The following ZFHX4 variants were observed in gnomAD, a reference collection of about 807,000 sequenced individuals.
ZFHX4 encodes the protein zinc finger homeobox 4.
ZFHX4 carries 56 observed loss-of-function variants against 267.6 expected under a neutral mutation model. The observed-to-expected ratio is 0.21, with a 90% CI of 0.17 to 0.26. The LOEUF is 0.26. ZFHX4 is among the 10% of genes least tolerant of loss of function. The pLI, the probability that ZFHX4 is intolerant of heterozygous loss-of-function variation, is 1.00. For missense variants in ZFHX4, 4,332 were observed against 4,420.0 expected (o/e 0.98, Z 0.56); for synonymous variants, 1,778 against 1,665.6 (o/e 1.07, Z -1.64).
At chr8:76,728,719 A>C (rs998049225) in intron 3 of ZFHX4, among the ~76,000 whole-genome samples, 1 of 152,218 alleles carries the variant, frequency 6.6e-6, no homozygotes, top group African/African-American at 2.4e-5. Context: ...GGTTTGAAAT[A>C]GGTTATTAGT....
chr8:76,865,728 T>G lies in ZFHX4; in HGVS notation c.*1163T>G, dbSNP rs907488174. The G allele has an allele frequency of 2.0e-5, 3 of 152,522 alleles. No individual in the cohort carries two copies. The highest frequency in any genetic ancestry group is 1.5e-5 in the Non-Finnish European group (1 of 68,006). 9.4% of individuals were successfully genotyped at this position (152,522 alleles called of 1,614,324 possible). ...AAAAAATAAAAAGGGGACTAAAAAT[T>G]TGTTTTGTATAAAGAGGTTAGCCCT... On this transcript the variant is annotated 3_prime_UTR_variant, in exon 11 of 11. Transcript: ENST00000651372.
At position 76,866,507 on chromosome 8, in the gene ZFHX4, A is replaced by G. The variant is rs1813035124; in HGVS notation, c.*1942A>G. ...TAACATTTATTTTAATCCTGAAGAC[A>G]CTTTTTTGATTGTGTTTCGTAAGAG... is the stretch of plus-strand genomic sequence containing the variant. On this transcript the variant is annotated 3_prime_UTR_variant, in exon 11 of 11. Transcript: ENST00000651372. 6.6e-6 allele frequency: 1 copy of G among 151,628 alleles called. No individual in the cohort carries two copies. Among genetic ancestry groups the G allele is most frequent in the Non-Finnish European group, 1.5e-5 (1 of 67,804 alleles). The allele number at this position is 151,628 out of a possible 1,614,324, so 9.4% of individuals were successfully genotyped here. A position where few individuals can be genotyped will look rare whatever the true frequency, so the allele number is the denominator to read the frequency against.
chr8:76,685,158 C>T (rs1329292892), intron 1 of ZFHX4, among the ~76,000 whole-genome samples: 1 of 152,156 alleles, frequency 6.6e-6, no homozygotes, highest in Non-Finnish European at 1.5e-5. Context: ...AAGGGAAGCC[C>T]TTAATAACTC....
chr8:76,809,801 T>A (rs1478421943), intron 4 of ZFHX4, among the ~76,000 whole-genome samples: 2 of 152,122 alleles, frequency 1.3e-5, no homozygotes, highest in Non-Finnish European at 2.9e-5. Flanking sequence ...TTAAAATGTA[T>A]AAATAATAGA....
intron 5 of ZFHX4, among the ~76,000 whole-genome samples, chr8:76,836,047 A>G (rs562840837): frequency 2.0e-5 from 3 of 152,320 alleles, no homozygotes; most frequent in African/African-American, 7.2e-5. Flanking sequence ...ACAAATAGTC[A>G]AATTAGAAAT....
At chr8:76,726,017 A>G (rs1808843751) in intron 3 of ZFHX4, among the ~76,000 whole-genome samples, 1 of 152,158 alleles carries the variant, frequency 6.6e-6, no homozygotes, top group South Asian at 2.1e-4. Context: ...GTTGTAACAT[A>G]ATGCTACATA....
chr8:76,863,260 C>T lies in ZFHX4; in HGVS notation c.9546C>T (p.Thr3182=), dbSNP rs754746697. 12 of 1,606,272 alleles carry T rather than the reference C, an allele frequency of 7.5e-6. No individual in the cohort carries two copies. The highest frequency in any genetic ancestry group is 4.5e-5 in the East Asian group (2 of 44,530). Residue 3182 remains threonine, a synonymous_variant, in exon 11 of 11, where the codon ACC becomes ACT. Transcript: ENST00000651372. ...CATCCTCTCTGTCAGGACAGCAGAC[C>T]GAGCAACAGAACAAAGAATCTGAGA... The part of the protein sequence containing the change: ...PPSSSLSGQQ[T]EQQNKESEKK...
chr8:76,778,523 ACG>A, intron 4 of ZFHX4, 84 bp downstream of exon 4: 1 of 1,099,366 alleles, frequency 9.1e-7, no homozygotes, highest in Non-Finnish European at 1.4e-6. Context: ...ACACACACAC[ACG>A]CCTCAAACTC....
intron 3 of ZFHX4, among the ~76,000 whole-genome samples, chr8:76,713,390 C>T (rs1449452003): frequency 6.6e-6 from 1 of 152,144 alleles, no homozygotes; most frequent in Non-Finnish European, 1.5e-5. Flanking sequence ...TTACTACATC[C>T]ATGTCAGGAT....
chr8:76,731,236 A>G (rs926214698), intron 3 of ZFHX4, among the ~76,000 whole-genome samples: 5 of 152,188 alleles, frequency 3.3e-5, no homozygotes, highest in African/African-American at 1.2e-4. Context: ...TGTATATGTA[A>G]AACCAGCTAT....
At chr8:76,794,171 A>G (rs1291431309) in intron 4 of ZFHX4, among the ~76,000 whole-genome samples, 1 of 152,176 alleles carries the variant, frequency 6.6e-6, no homozygotes, top group Non-Finnish European at 1.5e-5. Context: ...ACATGAAAAG[A>G]CTCAATTTTA....
chr8:76,851,740 A>G lies in ZFHX4; in HGVS notation c.4819A>G (p.Thr1607Ala). 1.9e-6 allele frequency: 3 copies of G among 1,614,014 alleles called. No individual in the cohort carries two copies. Among genetic ancestry groups the G allele is most frequent in the Non-Finnish European group, 2.5e-6 (3 of 1,179,886 alleles). ...ICNVAYSQSSTLEIHMRSVLH... is the reference protein window; with the variant it reads ...ICNVAYSQSSALEIHMRSVLH... Reference sequence around the variant, plus strand: ...CAATGTTGCATACAGCCAAAGCTCAACATTGGAAATCCACATGAGGTCTGT... The same window carrying G: ...CAATGTTGCATACAGCCAAAGCTCAGCATTGGAAATCCACATGAGGTCTGT... Residue 1607 changes from threonine to alanine, a missense_variant, in exon 10 of 11, where the codon ACA (threonine) becomes GCA (alanine). Physicochemically the swap from Thr to Ala is moderately conservative, Grantham distance 58. Coordinates refer to ENST00000651372, the MANE Select transcript of ZFHX4 (RefSeq NM_024721.5).
intron 3 of ZFHX4, among the ~76,000 whole-genome samples, chr8:76,776,691 C>T (rs961529964): frequency 2.0e-5 from 3 of 152,164 alleles, no homozygotes; most frequent in African/African-American, 7.2e-5. Context: ...ACATGAGCTA[C>T]GCTGCACTTC....
In ZFHX4 at chr8:76,705,958, T is replaced by C. The variant is rs1808255039; in HGVS notation, c.1870T>C (p.Ser624Pro). 2 of 1,612,260 alleles carry C rather than the reference T, an allele frequency of 1.2e-6. No homozygotes were observed. The highest frequency in any genetic ancestry group is 1.1e-5 in the South Asian group (1 of 90,960). Residue 624 changes from serine to proline, a missense_variant, in exon 2 of 11, where the codon TCT becomes CCT. Coordinates refer to ENST00000651372, the MANE Select transcript of ZFHX4 (RefSeq NM_024721.5). ...TCCAAAGTGCGACACTGTGTTGGGG[T>C]CTTCGAGGTCTCTTGGTGGTCATAT... ...ECPKCDTVLG[S>P]SRSLGGHMTM...
At position 76,704,734 on chromosome 8, in the gene ZFHX4, G is replaced by C; in HGVS notation, c.646G>C (p.Ala216Pro). 1.9e-6 allele frequency: 3 copies of C among 1,613,944 alleles called. No homozygotes were observed. The highest frequency in any genetic ancestry group is 1.3e-5 in the African/African-American group (1 of 75,030). The stretch of plus-strand genomic sequence containing the variant: ...CGATCAGGCTTTCCCAAATACCTCA[G>C]CATTAGCAGGAGTTGGTCCTGTGTT... Reference protein sequence around the residue: ...TADQAFPNTSALAGVGPVLHS... With the variant: ...TADQAFPNTSPLAGVGPVLHS... Residue 216 changes from alanine (A) to proline (P), a missense_variant, in exon 2 of 11, where the codon GCA (alanine) becomes CCA (proline). Ala to Pro is a conservative substitution (Grantham distance 27). Transcript: ENST00000651372.
At position 76,706,672 on chromosome 8, in the gene ZFHX4, G is replaced by A; in HGVS notation, c.2584G>A (p.Gly862Arg). 1 of 1,577,892 alleles carries A rather than the reference G, an allele frequency of 6.3e-7. No individual in the cohort carries two copies. The highest frequency in any genetic ancestry group is 8.6e-7 in the Non-Finnish European group (1 of 1,165,032). ...DPATAAALAPGLVNNELPPEI... is the reference protein window; with the variant it reads ...DPATAAALAPRLVNNELPPEI... ...AGCGACAGCAGCGGCTTTGGCACCAGGGCTCGGTTAGTATTTCCTGCTTTT... is the reference window on the plus strand; with the variant it reads ...AGCGACAGCAGCGGCTTTGGCACCAAGGCTCGGTTAGTATTTCCTGCTTTT... The change falls in exon 2 of 11, where the codon GGG becomes AGG. Residue 862 changes from glycine to arginine, a missense_variant. By Grantham distance (125) the Gly-to-Arg change is moderately radical. Coordinates refer to ENST00000651372, the MANE Select transcript of ZFHX4 (RefSeq NM_024721.5).
intron 3 of ZFHX4, among the ~76,000 whole-genome samples, chr8:76,773,134 C>T (rs771147250): frequency 3.3e-5 from 5 of 152,114 alleles, no homozygotes; most frequent in South Asian, 2.1e-4. Flanking sequence ...TTTGTGAAAT[C>T]GAGGAAGGAT....
At chr8:76,727,824 C>T (rs1266593887) in intron 3 of ZFHX4, among the ~76,000 whole-genome samples, 1 of 152,138 alleles carries the variant, frequency 6.6e-6, no homozygotes, top group Non-Finnish European at 1.5e-5. Context: ...TCTGTTCTTT[C>T]CTGGCCAGGA....
At chr8:76,780,712 A>G (rs1474943211) in intron 4 of ZFHX4, among the ~76,000 whole-genome samples, 1 of 152,136 alleles carries the variant, frequency 6.6e-6, no homozygotes, top group Non-Finnish European at 1.5e-5. Context: ...TAACAAATAC[A>G]TTTTTGTAGT....
Sources: gnomAD v4.1 joint callset for allele counts (sites outside exome capture counted in the v4.1 genomes callset) on GRCh38, gnomAD v4.1.1 for gene constraint, MANE v1.5 for transcripts, NCBI Gene and HGNC (gene_info 2026-07-23, HGNC 2026-07-21) for gene names.